KCNB2: variants seen among roughly 807,000 people sequenced by gnomAD.
KCNB2 encodes delayed rectifier potassium channel protein.
A neutral mutation model predicts 61.5 loss-of-function variants in KCNB2; 15 were observed. The observed-to-expected ratio is 0.24, with a 90% CI of 0.16 to 0.38. The LOEUF is 0.38. KCNB2 is among the 10% of genes least tolerant of loss of function. The pLI is 1.00. For synonymous variants in KCNB2, 457 were observed against 446.0 expected, an observed-to-expected ratio of 1.02 and a Z score of -0.31; for missense variants, 828 against 1,125.2, an observed-to-expected ratio of 0.74 and a Z score of 3.78.
intron 2 of KCNB2, among the ~76,000 whole-genome samples, chr8:72,594,592 G>T (rs1026614270): frequency 6.6e-6 from 1 of 152,140 alleles, no homozygotes; most frequent in Non-Finnish European, 1.5e-5. Context: ...AAAATTTCTA[G>T]ATGAACGTGT....
chr8:72,630,635 A>C (rs1411218204), intron 2 of KCNB2, among the ~76,000 whole-genome samples: 1 of 152,176 alleles, frequency 6.6e-6, no homozygotes, highest in Non-Finnish European at 1.5e-5. Context: ...AACATGTATG[A>C]ATCTTCAGCA....
chr8:72,677,726 G>A (rs1806683802), intron 2 of KCNB2, among the ~76,000 whole-genome samples: 1 of 152,054 alleles, frequency 6.6e-6, no homozygotes, highest in African/African-American at 2.4e-5. Flanking sequence ...AGTCTCCTTT[G>A]ATGGTTCCTT....
chr8:72,720,414 AGT>A (rs1478219358), intron 2 of KCNB2, among the ~76,000 whole-genome samples: 1 of 152,156 alleles, frequency 6.6e-6, no homozygotes, highest in Non-Finnish European at 1.5e-5. Flanking sequence ...TTTCCCTCAG[AGT>A]GTGTCTTCCC....
chr8:72,894,108 G>A (rs1402810993), intron 2 of KCNB2, among the ~76,000 whole-genome samples: 2 of 152,186 alleles, frequency 1.3e-5, no homozygotes, highest in Non-Finnish European at 2.9e-5. Context: ...ATTGGGGTAG[G>A]TGAATGATGA....
At chr8:72,874,386 A>G (rs1805670251) in intron 2 of KCNB2, among the ~76,000 whole-genome samples, 1 of 152,118 alleles carries the variant, frequency 6.6e-6, no homozygotes. Context: ...ATCAGGGTGT[A>G]TGAGAGAGGT....
chr8:72,751,251 T>C (rs1353865879), intron 2 of KCNB2: 1 of 152,086 alleles, frequency 6.6e-6, no homozygotes, highest in African/African-American at 2.4e-5. Flanking sequence ...CTCACAACAA[T>C]CACATAGCTC....
chr8:72,836,532 A>G (rs1187281845), intron 2 of KCNB2, among the ~76,000 whole-genome samples: 1 of 152,194 alleles, frequency 6.6e-6, no homozygotes, highest in African/African-American at 2.4e-5. Context: ...CCTTTAACAA[A>G]TGGCTACCCC....
intron 2 of KCNB2, among the ~76,000 whole-genome samples, chr8:72,838,808 G>A (rs1031982169): frequency 2.6e-5 from 1 of 38,818 alleles, no homozygotes; most frequent in African/African-American, 5.5e-5. Flanking sequence ...CTTGGTTAAA[G>A]AATATAAAAA....
chr8:72,908,778 A>C (rs990223257), intron 2 of KCNB2, among the ~76,000 whole-genome samples: 1 of 152,174 alleles, frequency 6.6e-6, no homozygotes, highest in Non-Finnish European at 1.5e-5. Context: ...TGGAAGAGTA[A>C]TCAGCATTGC....
At chr8:72,610,330 A>C (rs1265195746) in intron 2 of KCNB2, among the ~76,000 whole-genome samples, 1 of 152,172 alleles carries the variant, frequency 6.6e-6, no homozygotes, top group Non-Finnish European at 1.5e-5. Context: ...ACCGAACTCT[A>C]AACTAAGTTA....
chr8:72,578,532 CA>C (rs916947102), intron 2 of KCNB2, among the ~76,000 whole-genome samples: 4 of 151,418 alleles, frequency 2.6e-5, no homozygotes, highest in African/African-American at 4.8e-5. Context: ...AAATTCAAAG[CA>C]AAAAAAATCG....
chr8:72,843,819 C>T (rs997107120), intron 2 of KCNB2, among the ~76,000 whole-genome samples: 7 of 152,072 alleles, frequency 4.6e-5, no homozygotes, highest in South Asian at 2.1e-4. Context: ...TTATTTTGAG[C>T]CTATGTATGT....
At chr8:72,671,133 T>C (rs1490525637) in intron 2 of KCNB2, among the ~76,000 whole-genome samples, 2 of 152,128 alleles carry the variant, frequency 1.3e-5, no homozygotes, top group African/African-American at 2.4e-5. Flanking sequence ...GGGATGGAGG[T>C]TGAGTTTTTA....
At chr8:72,572,659 C>T (rs921818826) in intron 2 of KCNB2, among the ~76,000 whole-genome samples, 2 of 151,926 alleles carry the variant, frequency 1.3e-5, no homozygotes, top group Admixed American at 1.3e-4. Flanking sequence ...TTTATTTTAG[C>T]TTAAGAAAAG....
chr8:72,938,316 G>A lies in KCNB2; in HGVS notation c.*225G>A, dbSNP rs1806974971. ...AACCAACAAAAATGACTGAAGAACAGTGAACAAATAAAAAGAGCTCTATTA... is the reference window on the plus strand; with the variant it reads ...AACCAACAAAAATGACTGAAGAACAATGAACAAATAAAAAGAGCTCTATTA... On this transcript the variant is annotated 3_prime_UTR_variant, in exon 3 of 3. Transcript: ENST00000523207. 4.2e-6 allele frequency: 2 copies of A among 471,860 alleles called. No homozygotes were observed. The highest frequency in any genetic ancestry group is 3.7e-6 in the Non-Finnish European group (1 of 268,174). The allele number at this position is 471,860 out of a possible 1,614,324, so 29.2% of individuals were successfully genotyped here.
In KCNB2 at chr8:72,568,087, C is replaced by G; in HGVS notation, c.353C>G (p.Ser118Trp). ...LHMMEEMCAL[S>W]FGQELDYWGI... ...ATGATGGAAGAAATGTGTGCACTTT[C>G]GTTTGGCCAAGAACTTGATTACTGG... is the stretch of plus-strand genomic sequence containing the variant. The change falls in exon 2 of 3, where the codon TCG (serine) becomes TGG (tryptophan). Residue 118 changes from serine to tryptophan, a missense_variant. Ser to Trp is a radical substitution (Grantham distance 177, BLOSUM62 -3). Transcript: ENST00000523207. The G allele has an allele frequency of 6.2e-7, 1 of 1,614,068 alleles. No homozygotes were observed.
At chr8:72,606,240 T>C (rs1346792345) in intron 2 of KCNB2, among the ~76,000 whole-genome samples, 1 of 152,068 alleles carries the variant, frequency 6.6e-6, no homozygotes, top group African/African-American at 2.4e-5. Context: ...AAAATTATTA[T>C]AATAGGGAAA....
intron 2 of KCNB2, among the ~76,000 whole-genome samples, chr8:72,696,016 A>T (rs1807011985): frequency 6.6e-6 from 1 of 152,206 alleles, no homozygotes; most frequent in Non-Finnish European, 1.5e-5. Context: ...GCACTGAGAA[A>T]GTGATTTTCC....
intron 2 of KCNB2, among the ~76,000 whole-genome samples, chr8:72,807,297 T>C (rs1266474749): frequency 2.6e-5 from 4 of 152,206 alleles, no homozygotes; most frequent in Non-Finnish European, 4.4e-5. Flanking sequence ...ATGAACCATA[T>C]ACTGTGTGAA....
Sources: allele counts gnomAD v4.1 joint callset (sites outside exome capture counted in the v4.1 genomes callset), GRCh38; gene constraint gnomAD v4.1.1; transcripts MANE v1.5; gene names NCBI Gene and HGNC (gene_info 2026-07-23, HGNC 2026-07-21).